The following TMEM38B variants were observed in gnomAD, a reference collection of about 807,000 sequenced individuals.
TMEM38B encodes the protein transmembrane protein 38B.
Under a neutral mutation model 28.7 loss-of-function variants are expected in TMEM38B, and 24 were observed. That is an observed-to-expected ratio of 0.84 (90% CI 0.61 to 1.18). The LOEUF (loss-of-function observed/expected upper bound fraction) is 1.18, where lower values mean the gene tolerates loss of function less well. Ranked by LOEUF, TMEM38B falls within the 50% of genes most tolerant of loss-of-function variation. The probability of loss-of-function intolerance (pLI) is 0.00; values close to 1 mark genes in which losing one functional copy is unlikely to be tolerated. For missense variants in TMEM38B, 380 were observed against 350.9 expected (o/e 1.08, Z -0.66); for synonymous variants, 131 against 127.7 (o/e 1.03, Z -0.17).
intron 5 of TMEM38B, among the ~76,000 whole-genome samples, chr9:105,755,104 C>T (rs1252897795): frequency 2.6e-5 from 4 of 152,164 alleles, no homozygotes; most frequent in African/African-American, 9.7e-5. Context: ...AGTTGAATCT[C>T]CAGATAGACC....
chr9:105,746,653 G>A (rs528354946), intron 4 of TMEM38B, among the ~76,000 whole-genome samples: 3 of 152,152 alleles, frequency 2.0e-5, no homozygotes, highest in Admixed American at 6.5e-5. Context: ...CCTGTCTTGT[G>A]CCAGTTTTCA....
At chr9:105,769,862 C>T (rs1461687185) in intron 5 of TMEM38B, among the ~76,000 whole-genome samples, 1 of 151,760 alleles carries the variant, frequency 6.6e-6, no homozygotes, top group Admixed American at 6.6e-5. Context: ...GAGGACAGAG[C>T]CATAAAGTTC....
chr9:105,737,700 G>A (rs1241411251), intron 4 of TMEM38B, among the ~76,000 whole-genome samples: 1 of 152,200 alleles, frequency 6.6e-6, no homozygotes, highest in African/African-American at 2.4e-5. Context: ...GCGGGACCCT[G>A]CATGTTTCAG....
At position 105,739,173 on chromosome 9, in the gene TMEM38B, G is replaced by T. The variant is rs1837094938; in HGVS notation, c.543-8900G>T. Among the ~76,000 whole-genome samples the T allele has an allele frequency of 2.6e-5, 4 of 152,194 alleles. No homozygotes were observed. In the South Asian group the frequency reaches 8.3e-4, roughly 32 times the overall value. ...AAATCAACTGAGCATAGATGTATGG[G>T]TTTATTTCTAGACTGTCTGTTCTAT... On this transcript the variant is annotated intron_variant, in intron 4 of 5. Transcript: ENST00000374692.
At chr9:105,699,699 G>C (rs1278900493) in intron 1 of TMEM38B, among the ~76,000 whole-genome samples, 5 of 150,942 alleles carry the variant, frequency 3.3e-5, no homozygotes, top group African/African-American at 1.2e-4. Context: ...AGACATAAAA[G>C]ACATCAGGTA....
At chr9:105,759,474 C>T (rs574866103) in intron 5 of TMEM38B, 174 of 1,577,458 alleles carry the variant, frequency 1.1e-4, no homozygotes, top group Middle Eastern at 1.7e-4. Flanking sequence ...ATTTAAGAAA[C>T]AGAGGAGTGA....
rs59000736 is a variant in TMEM38B, at chr9:105,736,055, G to GT, written c.543-12004dup. Among the ~76,000 whole-genome samples, 689 of 135,698 alleles carry GT rather than the reference G, an allele frequency of 5.1e-3. 4 individuals are homozygous for GT. Among genetic ancestry groups the GT allele is most frequent in the Middle Eastern group, 0.018 (5 of 278 alleles). The allele number at this position is 135,698 out of a possible 152,430, so 89.0% of individuals were successfully genotyped here. The stretch of plus-strand genomic sequence containing the variant: ...TGACTAACTAAAACACATTTTTTTT[G>GT]TTTTTTTTTTTTTTGGTAGAGATAG... On this transcript the variant is annotated intron_variant, in intron 4 of 5. Transcript: ENST00000374692.
rs749410373 is a variant in TMEM38B, at chr9:105,721,556, C to T, written c.289C>T (p.Pro97Ser). 1.3e-6 allele frequency: 2 copies of T among 1,591,694 alleles called. No individual in the cohort carries two copies. The highest frequency in any genetic ancestry group is 1.4e-5 in the African/African-American group (1 of 73,558). ...SSIWYITFFC[P>S]HDLVSQGYSY... Reference sequence around the variant, plus strand: ...TTTCAGGTATATTACATTTTTTTGCCCGCATGACCTAGTTTCCCAGGGCTA... The same window carrying T: ...TTTCAGGTATATTACATTTTTTTGCTCGCATGACCTAGTTTCCCAGGGCTA... The change falls in exon 3 of 6, where the codon CCG becomes TCG. Residue 97 changes from proline to serine, a missense_variant. Transcript: ENST00000374692.
intron 4 of TMEM38B, among the ~76,000 whole-genome samples, chr9:105,730,395 C>T (rs753360860): frequency 5.2e-4 from 79 of 152,124 alleles, no homozygotes; most frequent in Non-Finnish European, 1.0e-3. Flanking sequence ...TATGTTGAAC[C>T]AGCCTTGCAT....
chr9:105,752,825 G>A (rs1414974901), intron 5 of TMEM38B, among the ~76,000 whole-genome samples: 1 of 152,176 alleles, frequency 6.6e-6, no homozygotes, highest in Non-Finnish European at 1.5e-5. Flanking sequence ...TGAGATGCCT[G>A]ACTTGACAAA....
At chr9:105,740,567 CTAGGTATTCTT>C (rs1160529621) in intron 4 of TMEM38B, among the ~76,000 whole-genome samples, 1 of 152,102 alleles carries the variant, frequency 6.6e-6, no homozygotes, top group African/African-American at 2.4e-5. Flanking sequence ...CGCCCGGCCC[CTAGGTATTCTT>C]TAAATGCTAG....
At chr9:105,714,868 A>G (rs1181631797) in intron 2 of TMEM38B, among the ~76,000 whole-genome samples, 1 of 152,216 alleles carries the variant, frequency 6.6e-6, no homozygotes, top group Non-Finnish European at 1.5e-5. Context: ...AGAGACGCTC[A>G]CTGTTATTGG....
intron 1 of TMEM38B, among the ~76,000 whole-genome samples, chr9:105,697,388 A>G (rs1835325050): frequency 1.3e-5 from 2 of 152,352 alleles, no homozygotes; most frequent in Non-Finnish European, 2.9e-5. Context: ...ACAAGAGTGA[A>G]CAGTGTACCT....
At chr9:105,762,286 T>C (rs1362941887) in intron 5 of TMEM38B, among the ~76,000 whole-genome samples, 1 of 152,018 alleles carries the variant, frequency 6.6e-6, no homozygotes, top group Non-Finnish European at 1.5e-5. Context: ...CTTTAAGTTT[T>C]AGGGTACATG....
chr9:105,711,712 T>G (rs1835910460), intron 2 of TMEM38B, among the ~76,000 whole-genome samples: 1 of 150,958 alleles, frequency 6.6e-6, no homozygotes, highest in South Asian at 2.1e-4. Flanking sequence ...CCCAGCTATT[T>G]GGAAGGCTGA....
intron 2 of TMEM38B, among the ~76,000 whole-genome samples, chr9:105,720,852 A>T (rs1045387233): frequency 2.6e-5 from 4 of 152,182 alleles, no homozygotes; most frequent in Admixed American, 2.6e-4. Flanking sequence ...ATAGATGCTT[A>T]GAACAAATGA....
intron 5 of TMEM38B, chr9:105,758,497 G>A: frequency 7.8e-7 from 1 of 1,287,104 alleles, no homozygotes; most frequent in South Asian, 1.2e-5. Context: ...GACCTATTAA[G>A]AAATAATAAC....
At chr9:105,711,420 A>T (rs1245231036) in intron 2 of TMEM38B, among the ~76,000 whole-genome samples, 1 of 151,270 alleles carries the variant, frequency 6.6e-6, no homozygotes, top group African/African-American at 2.4e-5. Context: ...CAGCCTGAGT[A>T]ACAGACCTAG....
intron 5 of TMEM38B, chr9:105,749,198 T>C (rs1837551564): frequency 2.1e-6 from 2 of 934,274 alleles, no homozygotes; most frequent in Non-Finnish European, 2.9e-6. Flanking sequence ...TTCTAACAGC[T>C]TTATTGAGAT....
Sources: gnomAD v4.1 joint callset for allele counts (sites outside exome capture counted in the v4.1 genomes callset) on GRCh38, gnomAD v4.1.1 for gene constraint, MANE v1.5 for transcripts, NCBI Gene and HGNC (gene_info 2026-07-23, HGNC 2026-07-21) for gene names.